PRKCI: variants seen among roughly 807,000 people sequenced by gnomAD.
PRKCI encodes the protein protein kinase C iota.
Under a neutral mutation model 84.0 loss-of-function variants are expected in PRKCI, and 43 were observed. The ratio of observed to expected loss-of-function variants is 0.51; its 90% confidence interval spans 0.40 to 0.66. The LOEUF (loss-of-function observed/expected upper bound fraction) is 0.66. Ranked by LOEUF, PRKCI falls within the 30% of genes least tolerant of loss-of-function variation. The pLI is 0.00. For missense variants in PRKCI, 459 were observed against 745.6 expected (o/e 0.62, Z 4.48); for synonymous variants, 216 against 234.4 (o/e 0.92, Z 0.72).
chr3:170,257,927 G>T (rs1400179120), intron 2 of PRKCI, among the ~76,000 whole-genome samples: 4 of 152,060 alleles, frequency 2.6e-5, no homozygotes, highest in Non-Finnish European at 4.4e-5. Flanking sequence ...GCCTCCCAAA[G>T]TGCCGGGATT....
intron 12 of PRKCI, among the ~76,000 whole-genome samples, chr3:170,285,371 G>T (rs1486735272): frequency 6.6e-6 from 1 of 152,032 alleles, no homozygotes; most frequent in Non-Finnish European, 1.5e-5. Context: ...GAGCCATCGC[G>T]CCTGGCCTAT....
intron 2 of PRKCI, among the ~76,000 whole-genome samples, chr3:170,249,526 C>T (rs759790052): frequency 8.5e-5 from 13 of 152,114 alleles, no homozygotes; most frequent in African/African-American, 2.4e-4. Flanking sequence ...TGGTGGCTCA[C>T]GCCTGTAATC....
intron 3 of PRKCI, among the ~76,000 whole-genome samples, chr3:170,262,705 C>G (rs1393065702): frequency 6.6e-6 from 1 of 152,086 alleles, no homozygotes; most frequent in Non-Finnish European, 1.5e-5. Flanking sequence ...CTGGCATCCC[C>G]TGACCTCAAG....
At chr3:170,264,232 T>C in intron 4 of PRKCI, among the ~76,000 whole-genome samples, 1 of 123,942 alleles carries the variant, frequency 8.1e-6, no homozygotes, top group Admixed American at 7.3e-5. Flanking sequence ...AGGAATTGGC[T>C]TTTTTTTTTT....
rs766667625 is a variant in PRKCI at position 170,222,630 on chromosome 3, G to A, written c.-40G>A. ...CCCACGGCGCCCGAAGCGCCCCCCC[G>A]CACCCCCGGCCTCCAGCGTTGAGGC... On this transcript the variant is annotated 5_prime_UTR_variant, in exon 1 of 18. Coordinates refer to ENST00000295797, the MANE Select transcript of PRKCI (RefSeq NM_002740.6). 98 of 1,501,216 alleles carry A rather than the reference G, an allele frequency of 6.5e-5. No homozygotes were observed. In the Admixed American group the frequency reaches 2.0e-3, roughly 30 times the overall value. The allele number at this position is 1,501,216 out of a possible 1,614,324, so 93.0% of individuals were successfully genotyped here.
chr3:170,295,867 C>A, intron 14 of PRKCI, 44 bp from the exon 15 acceptor site: 4 of 1,162,850 alleles, frequency 3.4e-6, no homozygotes, highest in Non-Finnish European at 3.6e-6. Context: ...AAGATTAAAG[C>A]CATGTAAAAG....
rs1560187209 is a variant in PRKCI, at chr3:170,297,393, G to A, written c.1587G>A (p.Met529Ile). The change falls in exon 16 of 18, where the codon ATG becomes ATA. Residue 529 changes from methionine (M) to isoleucine (I), a missense_variant and splice_region_variant. Physicochemically the swap from Met to Ile is conservative, Grantham distance 10. Transcript: ENST00000295797. ...HPFFRNVDWD[M>I]MEQKQVVPPF... Reference sequence around the variant, plus strand: ...TCTTCCGAAATGTTGATTGGGATATGGTATGTAAATTTTGATTACTCAACT... The same window carrying A: ...TCTTCCGAAATGTTGATTGGGATATAGTATGTAAATTTTGATTACTCAACT... The A allele has an allele frequency of 6.2e-7, 1 of 1,606,616 alleles. No homozygotes were observed. The highest frequency in any genetic ancestry group is 8.5e-7 in the Non-Finnish European group (1 of 1,174,306).
At chr3:170,254,219 T>A (rs1026252099) in intron 2 of PRKCI, among the ~76,000 whole-genome samples, 1 of 152,204 alleles carries the variant, frequency 6.6e-6, no homozygotes, top group Non-Finnish European at 1.5e-5. Context: ...TAATCCTTTG[T>A]CAGATGCATA....
chr3:170,272,735 A>G (rs1018456311), intron 6 of PRKCI, among the ~76,000 whole-genome samples: 2 of 152,190 alleles, frequency 1.3e-5, no homozygotes, highest in African/African-American at 2.4e-5. Flanking sequence ...TAAATCAGTA[A>G]TAACTTGGGT....
intron 2 of PRKCI, among the ~76,000 whole-genome samples, chr3:170,237,018 C>T (rs1416280118): frequency 6.6e-6 from 1 of 152,052 alleles, no homozygotes; most frequent in Non-Finnish European, 1.5e-5. Flanking sequence ...GCATAGGGGC[C>T]TTGAGGAATA....
intron 1 of PRKCI, among the ~76,000 whole-genome samples, chr3:170,228,645 A>G (rs1162203084): frequency 1.3e-5 from 2 of 151,634 alleles, no homozygotes; most frequent in Non-Finnish European, 2.9e-5. Flanking sequence ...ACACACATAT[A>G]CATACACACA....
Position 170,237,625 on chromosome 3 carries a change from A to C in PRKCI, c.223+2274A>C, listed in dbSNP as rs1733013267. On this transcript the variant is annotated intron_variant, in intron 2 of 17. Transcript: ENST00000295797. ...TACAAATAGAATTTCATTTTAAGGAATGTCATAATATTTAGCTCAATATTT... is the reference window on the plus strand; with the variant it reads ...TACAAATAGAATTTCATTTTAAGGACTGTCATAATATTTAGCTCAATATTT... Among the ~76,000 whole-genome samples the C allele has an allele frequency of 2.0e-5, 3 of 152,324 alleles. No individual in the cohort carries two copies. The South Asian group carries it at 6.2e-4, about 32-fold the overall frequency.
At position 170,271,254 on chromosome 3, in the gene PRKCI, A is replaced by G. The variant is rs557015812; in HGVS notation, c.591+693A>G. ...TATAATGAACTCCCATTTACTAGAC[A>G]TCCAGCTCCAACAGTTATCAACTCA... On this transcript the variant is annotated intron_variant, in intron 6 of 17. Transcript: ENST00000295797. Among the ~76,000 whole-genome samples, 9 of 152,254 alleles carry G rather than the reference A, an allele frequency of 5.9e-5. 1 individual carries two copies. The South Asian group carries it at 6.2e-4, about 11-fold the overall frequency.
At chr3:170,266,745 C>T (rs1251417660) in intron 4 of PRKCI, among the ~76,000 whole-genome samples, 1 of 152,202 alleles carries the variant, frequency 6.6e-6, no homozygotes, top group African/African-American at 2.4e-5. Context: ...GTAATCCCAG[C>T]GCTTTGGGAG....
chr3:170,246,670 A>G (rs1201395152), intron 2 of PRKCI, among the ~76,000 whole-genome samples: 1 of 152,154 alleles, frequency 6.6e-6, no homozygotes, highest in Non-Finnish European at 1.5e-5. Flanking sequence ...ATTAAATATA[A>G]ATAAGAAAAT....
chr3:170,285,416 A>G (rs1009127949), intron 12 of PRKCI, among the ~76,000 whole-genome samples: 2 of 151,996 alleles, frequency 1.3e-5, no homozygotes, highest in Non-Finnish European at 2.9e-5. Flanking sequence ...ACAGTGTTCC[A>G]TTTTAAATGT....
chr3:170,305,077 T>A lies in PRKCI; in HGVS notation c.*1950T>A, dbSNP rs1734923907. 1 of 152,388 alleles carries A rather than the reference T, an allele frequency of 6.6e-6. No individual in the cohort carries two copies. The allele number at this position is 152,388 out of a possible 1,614,324, so 9.4% of individuals were successfully genotyped here. ...GTTTCTCTTAACACCTGAAACTTGT[T>A]TTAAAACAAAAAGCAGTATTCACTT... is the stretch of plus-strand genomic sequence containing the variant. On this transcript the variant is annotated 3_prime_UTR_variant, in exon 18 of 18. Transcript: ENST00000295797.
intron 6 of PRKCI, among the ~76,000 whole-genome samples, chr3:170,271,911 G>A (rs1354527353): frequency 1.3e-5 from 2 of 152,122 alleles, no homozygotes; most frequent in Admixed American, 6.6e-5. Context: ...TTGGCTCACT[G>A]CAACCTCCAC....
At chr3:170,236,875 AAAAAAG>A (rs1015889572) in intron 2 of PRKCI, among the ~76,000 whole-genome samples, 2 of 151,736 alleles carry the variant, frequency 1.3e-5, no homozygotes, top group African/African-American at 4.8e-5. Context: ...AAAAAAAAAA[AAAAAAG>A]AAAGAAAAAG....
Sources: allele counts gnomAD v4.1 joint callset (sites outside exome capture counted in the v4.1 genomes callset), GRCh38; gene constraint gnomAD v4.1.1; transcripts MANE v1.5; gene names NCBI Gene and HGNC (gene_info 2026-07-23, HGNC 2026-07-21).